Variants in TSHZ2 observed in about 807,000 individuals in gnomAD.
TSHZ2 encodes teashirt zinc finger homeobox 2.
Under a neutral mutation model 74.4 loss-of-function variants are expected in TSHZ2, and 21 were observed. That is an observed-to-expected ratio of 0.28 (90% confidence interval 0.20 to 0.41). The LOEUF is 0.41. Among genes scored for constraint, TSHZ2 ranks in the 10% least tolerant of loss-of-function variants. The pLI is 1.00. For missense variants in TSHZ2, 1,244 were observed against 1,293.5 expected (o/e 0.96, Z 0.59); for synonymous variants, 540 against 515.3 (o/e 1.05, Z -0.65).
intron 1 of TSHZ2, among the ~76,000 whole-genome samples, chr20:53,048,003 G>A (rs925122879): frequency 1.2e-4 from 18 of 152,294 alleles, no homozygotes; most frequent in African/African-American, 4.1e-4. Flanking sequence ...AAACAGGTTC[G>A]TAAGTGGCTG....
At position 53,324,137 on chromosome 20, in the gene TSHZ2, G is replaced by A. The variant is rs116742465; in HGVS notation, c.*8+67566G>A. Among the ~76,000 whole-genome samples, 499 of 152,178 alleles carry A rather than the reference G, an allele frequency of 3.3e-3. 4 individuals are homozygous for A. Among genetic ancestry groups the A allele is most frequent in the African/African-American group, 0.011 (472 of 41,516 alleles). ...CAGCAAACATTTTCTTTTTAGCTCC[G>A]GCGTTTTTGAGAGAATGCCTCCACT... On this transcript the variant is annotated intron_variant, in intron 2 of 2. Transcript: ENST00000371497.
chr20:53,314,921 C>A (rs1203313320), intron 2 of TSHZ2, among the ~76,000 whole-genome samples: 1 of 152,174 alleles, frequency 6.6e-6, no homozygotes, highest in East Asian at 1.9e-4. Context: ...CACACCCGGC[C>A]TAGTTCTAGC....
intron 1 of TSHZ2, among the ~76,000 whole-genome samples, chr20:53,124,565 C>T (rs1436702400): frequency 2.6e-5 from 4 of 152,208 alleles, no homozygotes; most frequent in African/African-American, 7.2e-5. Flanking sequence ...CTTGGCTTTA[C>T]GGATGATTAG....
intron 1 of TSHZ2, among the ~76,000 whole-genome samples, chr20:53,111,733 C>T (rs1379961136): frequency 1.3e-5 from 2 of 152,178 alleles, no homozygotes; most frequent in Non-Finnish European, 2.9e-5. Flanking sequence ...CCAAGGCCAA[C>T]TAGAGGGGCC....
intron 2 of TSHZ2, among the ~76,000 whole-genome samples, chr20:53,305,491 A>G (rs1978494392): frequency 6.6e-6 from 1 of 152,178 alleles, no homozygotes; most frequent in South Asian, 2.1e-4. Flanking sequence ...TATATCCCAG[A>G]CAAGTGAATG....
intron 1 of TSHZ2, among the ~76,000 whole-genome samples, chr20:53,079,018 A>G (rs1207763287): frequency 1.3e-5 from 2 of 152,208 alleles, no homozygotes; most frequent in East Asian, 3.8e-4. Context: ...TTATTGAGGA[A>G]GAAAGACTAA....
At position 53,324,398 on chromosome 20, in the gene TSHZ2, G is replaced by T. The variant is rs76458899; in HGVS notation, c.*8+67827G>T. On this transcript the variant is annotated intron_variant, in intron 2 of 2. Coordinates refer to ENST00000371497, the MANE Select transcript of TSHZ2 (RefSeq NM_173485.6). ...TGTTTTGTTTTGCTTTGTTTTTTGAGACAAGGTGTTACTCTATCACCCAGG... is the reference window on the plus strand; with the variant it reads ...TGTTTTGTTTTGCTTTGTTTTTTGATACAAGGTGTTACTCTATCACCCAGG... Among the ~76,000 whole-genome samples, 721 of 152,124 alleles carry T rather than the reference G, an allele frequency of 4.7e-3. 2 individuals carry two copies. Among genetic ancestry groups the T allele is most frequent in the Non-Finnish European group, 7.9e-3 (536 of 67,990 alleles).
intron 2 of TSHZ2, among the ~76,000 whole-genome samples, chr20:53,359,079 T>G (rs946965897): frequency 6.6e-6 from 1 of 152,192 alleles, no homozygotes; most frequent in Non-Finnish European, 1.5e-5. Flanking sequence ...GTTGCTCTGT[T>G]AGCCTTAATC....
At chr20:53,441,664 C>A (rs1984334178) in intron 2 of TSHZ2, among the ~76,000 whole-genome samples, 1 of 150,218 alleles carries the variant, frequency 6.7e-6, no homozygotes, top group African/African-American at 2.5e-5. Context: ...CTCACTGCAA[C>A]CCCTGCCTCC....
At chr20:53,380,729 G>T (rs1981827110) in intron 2 of TSHZ2, among the ~76,000 whole-genome samples, 1 of 152,134 alleles carries the variant, frequency 6.6e-6, no homozygotes, top group Non-Finnish European at 1.5e-5. Flanking sequence ...AAACTTCACT[G>T]CCAATACTTC....
intron 1 of TSHZ2, among the ~76,000 whole-genome samples, chr20:53,087,108 T>C (rs905277805): frequency 6.6e-6 from 1 of 152,198 alleles, no homozygotes; most frequent in Admixed American, 6.5e-5. Flanking sequence ...GAATTCATAA[T>C]ACCAGATTCT....
chr20:53,383,719 C>T (rs1349510968), intron 2 of TSHZ2, among the ~76,000 whole-genome samples: 4 of 152,114 alleles, frequency 2.6e-5, no homozygotes, highest in Non-Finnish European at 5.9e-5. Context: ...TCAGATTGCA[C>T]CATTGCACTC....
chr20:53,010,789 A>G (rs915470561), intron 1 of TSHZ2, among the ~76,000 whole-genome samples: 1 of 152,186 alleles, frequency 6.6e-6, no homozygotes, highest in Non-Finnish European at 1.5e-5. Context: ...TCACACCTGA[A>G]AAGCTGACGA....
chr20:53,160,463 CAG>C (rs1987903300), intron 1 of TSHZ2, among the ~76,000 whole-genome samples: 1 of 152,042 alleles, frequency 6.6e-6, no homozygotes. Flanking sequence ...TGCACAAGTG[CAG>C]TAATAAGACA....
At chr20:53,118,485 G>A (rs1275574439) in intron 1 of TSHZ2, among the ~76,000 whole-genome samples, 1 of 152,164 alleles carries the variant, frequency 6.6e-6, no homozygotes, top group Admixed American at 6.5e-5. Flanking sequence ...GATGAGTGGA[G>A]GGAGGGTGTG....
chr20:53,226,062 TATC>T (rs1171158284), intron 1 of TSHZ2, among the ~76,000 whole-genome samples: 3 of 150,998 alleles, frequency 2.0e-5, no homozygotes, highest in African/African-American at 4.9e-5. Flanking sequence ...ACATAGACAT[TATC>T]ATGAAAAGGA....
At chr20:53,366,076 A>AG (rs1356903074) in intron 2 of TSHZ2, among the ~76,000 whole-genome samples, 1 of 152,234 alleles carries the variant, frequency 6.6e-6, no homozygotes, top group Non-Finnish European at 1.5e-5. Context: ...AAGAAAAAGA[A>AG]GGGGGAATAC....
chr20:53,153,458 G>A (rs937797251), intron 1 of TSHZ2, among the ~76,000 whole-genome samples: 4 of 152,192 alleles, frequency 2.6e-5, no homozygotes, highest in Non-Finnish European at 5.9e-5. Context: ...TGGACTGCAA[G>A]CAGGATCAAC....
intron 1 of TSHZ2, among the ~76,000 whole-genome samples, chr20:53,101,612 C>T (rs927891944): frequency 1.3e-5 from 2 of 152,236 alleles, no homozygotes; most frequent in Admixed American, 1.3e-4. Context: ...CTCCTGGGTT[C>T]TCTAGCACAT....
Sources: allele counts gnomAD v4.1 joint callset (sites outside exome capture counted in the v4.1 genomes callset), GRCh38; gene constraint gnomAD v4.1.1; transcripts MANE v1.5; gene names NCBI Gene and HGNC (gene_info 2026-07-23, HGNC 2026-07-21).